IFIH1: variants seen among roughly 807,000 people sequenced by gnomAD.
IFIH1 encodes the protein interferon induced with helicase C domain 1, also known as interferon-induced helicase C domain-containing protein 1.
IFIH1 carries 125 observed loss-of-function variants against 107.4 expected under a neutral mutation model. The ratio of observed to expected loss-of-function variants is 1.16; its 90% confidence interval spans 1.01 to 1.35. The LOEUF (loss-of-function observed/expected upper bound fraction) is 1.35. Among genes scored for constraint, IFIH1 ranks in the 40% most tolerant of loss-of-function variants. The probability of loss-of-function intolerance (pLI) is 0.00; values close to 1 mark genes in which losing one functional copy is unlikely to be tolerated. For missense variants in IFIH1, 1,333 were observed against 1,213.7 expected (o/e 1.10, Z -1.46); for synonymous variants, 458 against 413.2 (o/e 1.11, Z -1.31).
intron 3 of IFIH1, among the ~76,000 whole-genome samples, chr2:162,300,087 A>G (rs1683166313): frequency 6.6e-6 from 1 of 152,180 alleles, no homozygotes; most frequent in Non-Finnish European, 1.5e-5. Context: ...CTCTTTTACC[A>G]TGGCTAGATT....
chr2:162,288,830 C>T (rs1342234054), intron 4 of IFIH1, among the ~76,000 whole-genome samples: 1 of 151,510 alleles, frequency 6.6e-6, no homozygotes, highest in Non-Finnish European at 1.5e-5. Flanking sequence ...CCGTATTTCC[C>T]CTTTTTTTAA....
chr2:162,317,529 G>A (rs1372007383), intron 1 of IFIH1, among the ~76,000 whole-genome samples: 1 of 152,184 alleles, frequency 6.6e-6, no homozygotes, highest in African/African-American at 2.4e-5. Context: ...AGGAGCCTCA[G>A]TGGGTTACTC....
chr2:162,312,872 T>G (rs187280683), intron 1 of IFIH1, among the ~76,000 whole-genome samples: 157 of 152,304 alleles, frequency 1.0e-3, no homozygotes, highest in Middle Eastern at 3.4e-3. Flanking sequence ...TATATTTGAC[T>G]GAAGCAATCA....
At position 162,310,719 on chromosome 2, in the gene IFIH1, C is replaced by T. The variant is rs368051428; in HGVS notation, c.622+46G>A. 5.3e-6 allele frequency: 8 copies of T among 1,510,114 alleles called. No individual in the cohort carries two copies. The African/African-American group carries it at 8.3e-5, about 16-fold the overall frequency. The allele number at this position is 1,510,114 out of a possible 1,614,324, so 93.5% of individuals were successfully genotyped here. A position where few individuals can be genotyped will look rare whatever the true frequency, so the allele number is the denominator to read the frequency against. On this transcript the variant is annotated intron_variant, in intron 2 of 15. Transcript: ENST00000649979. ...CTTTCTGCTTTATTGAATTCTCAAT[C>T]ACTAGGCAGAATTTGAAGAATCTTC... is the stretch of plus-strand genomic sequence containing the variant.
intron 3 of IFIH1, among the ~76,000 whole-genome samples, chr2:162,303,140 T>G (rs1683219978): frequency 6.6e-6 from 1 of 152,018 alleles, no homozygotes; most frequent in South Asian, 2.1e-4. Context: ...AGACGGAGTT[T>G]TTTTGTTCTT....
At chr2:162,313,170 T>C (rs1387271823) in intron 1 of IFIH1, among the ~76,000 whole-genome samples, 1 of 152,210 alleles carries the variant, frequency 6.6e-6, no homozygotes, top group Admixed American at 6.5e-5. Context: ...ATCTTCTCAG[T>C]TTTGGTGCTG....
intron 8 of IFIH1, among the ~76,000 whole-genome samples, chr2:162,279,336 C>T (rs2105199684): frequency 6.6e-6 from 1 of 152,044 alleles, no homozygotes; most frequent in Middle Eastern, 3.4e-3. Context: ...ATCATTTGAT[C>T]CCAACATTCT....
At chr2:162,278,855 T>G (rs1682757688) in intron 8 of IFIH1, among the ~76,000 whole-genome samples, 1 of 152,092 alleles carries the variant, frequency 6.6e-6, no homozygotes, top group South Asian at 2.1e-4. Context: ...AAGATAGTAG[T>G]GATTCCTGGG....
Position 162,267,530 on chromosome 2 carries a change from C to A in IFIH1, c.2847G>T (p.Lys949Asn). 6.2e-7 allele frequency: 1 copy of A among 1,613,680 alleles called. No individual in the cohort carries two copies. The highest frequency in any genetic ancestry group is 2.2e-5 in the East Asian group (1 of 44,874). Residue 949 changes from lysine (K) to asparagine (N), a missense_variant, in exon 15 of 16, where the codon AAG becomes AAT. Coordinates refer to ENST00000649979, the MANE Select transcript of IFIH1 (RefSeq NM_022168.4). The stretch of plus-strand genomic sequence containing the variant: ...CATTTATTTGATAGTCGGCACACTT[C>A]TTTTGCAGTGCTTTGTTTTCTCTTA... ...YIVRENKALQ[K>N]KCADYQINGE...
intron 3 of IFIH1, 29 bp from the exon 4 acceptor site, chr2:162,293,697 T>C: frequency 6.9e-7 from 1 of 1,455,264 alleles, no homozygotes; most frequent in South Asian, 1.1e-5. Flanking sequence ...TAAAATATTT[T>C]TAAAATATTT....
chr2:162,293,731 G>T, intron 3 of IFIH1, 63 bp from the exon 4 acceptor site: 1 of 1,016,884 alleles, frequency 9.8e-7, no homozygotes, highest in Non-Finnish European at 1.5e-6. Context: ...TATTTTAACT[G>T]CACACCTCTA....
chr2:162,315,224 C>G (rs1262459025), intron 1 of IFIH1, among the ~76,000 whole-genome samples: 1 of 152,168 alleles, frequency 6.6e-6, no homozygotes, highest in African/African-American at 2.4e-5. Context: ...TCTCTAACGC[C>G]TGGCAACACA....
chr2:162,304,799 C>T (rs1210399262), intron 3 of IFIH1, among the ~76,000 whole-genome samples: 2 of 152,078 alleles, frequency 1.3e-5, no homozygotes, highest in South Asian at 4.2e-4. Context: ...TATTCATTCT[C>T]GTAGAAGAGA....
chr2:162,283,115 A>G (rs1682838865), intron 5 of IFIH1, among the ~76,000 whole-genome samples: 1 of 151,934 alleles, frequency 6.6e-6, no homozygotes, highest in Admixed American at 6.6e-5. Flanking sequence ...GTAGTATAAC[A>G]GTTTACAGGA....
At chr2:162,274,288 A>G (rs1203631061) in intron 11 of IFIH1, among the ~76,000 whole-genome samples, 1 of 152,178 alleles carries the variant, frequency 6.6e-6, no homozygotes, top group African/African-American at 2.4e-5. Context: ...AGAAGCTAAA[A>G]TGGGCTTTTT....
chr2:162,300,498 A>G (rs1316904139), intron 3 of IFIH1, among the ~76,000 whole-genome samples: 1 of 152,240 alleles, frequency 6.6e-6, no homozygotes, highest in African/African-American at 2.4e-5. Context: ...ACTGTAAGCC[A>G]TATAACTGAC....
At chr2:162,314,817 T>C (rs533437955) in intron 1 of IFIH1, among the ~76,000 whole-genome samples, 16 of 152,202 alleles carry the variant, frequency 1.1e-4, no homozygotes, top group African/African-American at 3.9e-4. Context: ...TCAACACTAA[T>C]TAACACTACA....
intron 5 of IFIH1, among the ~76,000 whole-genome samples, chr2:162,287,336 G>A (rs1482168572): frequency 9.9e-5 from 15 of 151,604 alleles, no homozygotes; most frequent in Admixed American, 9.9e-4. Flanking sequence ...TCTGATCAAG[G>A]AAAAGTATGC....
At chr2:162,280,664 A>C (rs1167981852) in intron 7 of IFIH1, among the ~76,000 whole-genome samples, 1 of 152,062 alleles carries the variant, frequency 6.6e-6, no homozygotes, top group Non-Finnish European at 1.5e-5. Flanking sequence ...TATATTTTGG[A>C]GCCTATAATT....
Sources: allele counts gnomAD v4.1 joint callset (sites outside exome capture counted in the v4.1 genomes callset), GRCh38; gene constraint gnomAD v4.1.1; transcripts MANE v1.5; gene names NCBI Gene and HGNC (gene_info 2026-07-23, HGNC 2026-07-21).